The following DLG2 variants were observed in gnomAD, a reference collection of about 807,000 sequenced individuals.
The protein encoded by DLG2 is discs large MAGUK scaffold protein 2, also known as disks large homolog 2.
Under a neutral mutation model 132.5 loss-of-function variants are expected in DLG2, and 45 were observed. That is an observed-to-expected ratio of 0.34 (90% confidence interval 0.27 to 0.44). The LOEUF is 0.44. Ranked by LOEUF, DLG2 falls within the 20% of genes least tolerant of loss-of-function variation. The pLI is 1.00. For synonymous variants in DLG2, 424 were observed against 419.6 expected (o/e 1.01, Z -0.13); for missense variants, 1,045 against 1,196.9 (o/e 0.87, Z 1.87).
intron 3 of DLG2, among the ~76,000 whole-genome samples, chr11:85,581,784 T>C (rs1358481644): frequency 2.0e-5 from 3 of 152,160 alleles, no homozygotes; most frequent in Non-Finnish European, 4.4e-5. Flanking sequence ...GATGCAGATG[T>C]AGGTAAGTTG....
chr11:84,373,269 A>AAAAAAAAAAAAAAAAAAAAAAC lies in DLG2; in HGVS notation c.520-121979_520-121978insGTTTTTTTTTTTTTTTTTTTTT, dbSNP rs1555532736. 2.3e-5 allele frequency among the ~76,000 whole-genome samples: 3 copies of AAAAAAAAAAAAAAAAAAAAAAC among 128,430 alleles called. 1 individual carries two copies. Among genetic ancestry groups the AAAAAAAAAAAAAAAAAAAAAAC allele is most frequent in the Non-Finnish European group, 4.8e-5 (3 of 62,912 alleles). The allele number at this position is 128,430 out of a possible 152,430, so 84.3% of individuals were successfully genotyped here. A position where few individuals can be genotyped will look rare whatever the true frequency, so the allele number is the denominator to read the frequency against. ...ACAGTCAAAAAAAAAAAAAAACAAA[A>AAAAAAAAAAAAAAAAAAAAAAC]CAAAAAAAAAACCCACCAGGCCCGG... On this transcript the variant is annotated intron_variant, in intron 7 of 27. Transcript: ENST00000376104.
chr11:84,218,374 A>AAGGG (rs1408993648), intron 8 of DLG2, among the ~76,000 whole-genome samples: 34 of 67,738 alleles, frequency 5.0e-4, no homozygotes, highest in African/African-American at 1.3e-3. Flanking sequence ...GAAAGGGAGA[A>AAGGG]AGGGAGGGAG....
intron 8 of DLG2, among the ~76,000 whole-genome samples, chr11:84,172,077 G>A (rs976597101): frequency 5.3e-5 from 8 of 152,190 alleles, no homozygotes; most frequent in Admixed American, 3.3e-4. Flanking sequence ...ATTCATCTTT[G>A]TTATGCATTA....
At chr11:85,235,189 G>T (rs548353092) in intron 4 of DLG2, among the ~76,000 whole-genome samples, 1 of 151,948 alleles carries the variant, frequency 6.6e-6, no homozygotes, top group East Asian at 1.9e-4. Context: ...GAAGTCATTA[G>T]CTGCAATTAA....
intron 7 of DLG2, among the ~76,000 whole-genome samples, chr11:84,499,321 G>C (rs2099195196): frequency 6.6e-6 from 1 of 152,176 alleles, no homozygotes; most frequent in African/African-American, 2.4e-5. Context: ...GCAGATTTCA[G>C]ATTGAAGAGC....
At chr11:84,930,425 T>C (rs2047951345) in intron 6 of DLG2, among the ~76,000 whole-genome samples, 1 of 152,056 alleles carries the variant, frequency 6.6e-6, no homozygotes, top group Non-Finnish European at 1.5e-5. Context: ...AAAAAATTAA[T>C]GAAAAACCTC....
intron 8 of DLG2, chr11:84,166,824 T>G (rs2095677205): frequency 2.1e-6 from 1 of 466,028 alleles, no homozygotes; most frequent in South Asian, 1.7e-5. Context: ...TTGTTTGAAC[T>G]TGCCTTGGTG....
At chr11:83,982,913 C>T (rs1253231133) in intron 11 of DLG2, among the ~76,000 whole-genome samples, 3 of 152,022 alleles carry the variant, frequency 2.0e-5, no homozygotes, top group Admixed American at 6.6e-5. Flanking sequence ...GCCTACAGTA[C>T]GCAGTATAGT....
chr11:85,560,553 T>G (rs2077182297), intron 3 of DLG2, among the ~76,000 whole-genome samples: 1 of 151,718 alleles, frequency 6.6e-6, no homozygotes, highest in African/African-American at 2.4e-5. Context: ...AAACAGAAAG[T>G]AAATCAGTTG....
intron 6 of DLG2, among the ~76,000 whole-genome samples, chr11:84,974,310 G>A (rs2054559816): frequency 6.6e-6 from 1 of 152,170 alleles, no homozygotes; most frequent in African/African-American, 2.4e-5. Context: ...ACTGGCATAT[G>A]GTGGTATTAA....
chr11:84,511,507 T>C (rs1397451421), intron 7 of DLG2, among the ~76,000 whole-genome samples: 1 of 152,180 alleles, frequency 6.6e-6, no homozygotes, highest in African/African-American at 2.4e-5. Flanking sequence ...CTACAGCATC[T>C]GAAATAATGC....
intron 19 of DLG2, among the ~76,000 whole-genome samples, chr11:83,615,336 C>T (rs747816997): frequency 5.9e-5 from 9 of 152,176 alleles, no homozygotes; most frequent in African/African-American, 9.7e-5. Context: ...CTTGCAACAA[C>T]GCTTTATTAA....
intron 18 of DLG2, among the ~76,000 whole-genome samples, chr11:83,658,252 C>T (rs1389566001): frequency 6.6e-6 from 1 of 152,018 alleles, no homozygotes; most frequent in Non-Finnish European, 1.5e-5. Context: ...TTTTTATGTT[C>T]TTGTTTTCTT....
chr11:85,037,486 A>C (rs2061517362), intron 6 of DLG2, among the ~76,000 whole-genome samples: 1 of 152,366 alleles, frequency 6.6e-6, no homozygotes, highest in Middle Eastern at 3.4e-3. Flanking sequence ...GCAGTATTTC[A>C]GAAAAGATAT....
At chr11:84,448,548 G>T (rs1038290728) in intron 7 of DLG2, among the ~76,000 whole-genome samples, 1 of 151,910 alleles carries the variant, frequency 6.6e-6, no homozygotes, top group Non-Finnish European at 1.5e-5. Flanking sequence ...TCTGCTGTCT[G>T]CAGCCCTATC....
At chr11:83,782,776 G>A (rs996459235) in intron 18 of DLG2, among the ~76,000 whole-genome samples, 1 of 152,116 alleles carries the variant, frequency 6.6e-6, no homozygotes, top group Non-Finnish European at 1.5e-5. Context: ...GAAAGACAAG[G>A]AGTTAGTGCA....
chr11:85,239,764 T>A (rs76777069), intron 4 of DLG2, among the ~76,000 whole-genome samples: 3,364 of 152,100 alleles, frequency 0.022, 63 homozygotes, highest in Admixed American at 0.038. Context: ...ACTATGTAAT[T>A]TTCCATTGCA....
intron 18 of DLG2, 48 bp downstream of exon 18, chr11:83,786,642 T>A (rs750928754): frequency 6.7e-7 from 1 of 1,498,362 alleles, no homozygotes. Flanking sequence ...AGGGTACAGA[T>A]CCACACAGAG....
chr11:84,612,467 A>T (rs1305385451), intron 6 of DLG2, among the ~76,000 whole-genome samples: 1 of 152,156 alleles, frequency 6.6e-6, no homozygotes, highest in Admixed American at 6.6e-5. Flanking sequence ...GGAATGACTA[A>T]GTTGTTTAGT....
Sources: allele counts gnomAD v4.1 joint callset (sites outside exome capture counted in the v4.1 genomes callset), GRCh38; gene constraint gnomAD v4.1.1; transcripts MANE v1.5; gene names NCBI Gene and HGNC (gene_info 2026-07-23, HGNC 2026-07-21).